Variants in NDC1 observed in about 807,000 individuals in gnomAD.
The protein encoded by NDC1 is NDC1 transmembrane nucleoporin.
Under a neutral mutation model 89.8 loss-of-function variants are expected in NDC1, and 24 were observed. The ratio of observed to expected loss-of-function variants is 0.27; its 90% CI spans 0.19 to 0.38. NDC1 has a LOEUF of 0.38. NDC1 is among the 10% of genes least tolerant of loss of function. The pLI, the probability that NDC1 is intolerant of heterozygous loss-of-function variation, is 1.00. For synonymous variants in NDC1, 296 were observed against 284.8 expected, an observed-to-expected ratio of 1.04 and a Z score of -0.39; for missense variants, 728 against 797.6, an observed-to-expected ratio of 0.91 and a Z score of 1.05.
At chr1:53,771,774 A>T (rs1486626695) in intron 17 of NDC1, among the ~76,000 whole-genome samples, 1 of 152,234 alleles carries the variant, frequency 6.6e-6, no homozygotes, top group African/African-American at 2.4e-5. Flanking sequence ...CATCCTGCCT[A>T]GCTAGATCAT....
intron 2 of NDC1, among the ~76,000 whole-genome samples, chr1:53,835,195 G>A (rs755986687): frequency 1.2e-4 from 19 of 152,144 alleles, no homozygotes; most frequent in Non-Finnish European, 2.5e-4. Context: ...ATTTTAAAGA[G>A]ACAAACAATC....
chr1:53,769,030 G>T (rs1647090105), intron 17 of NDC1, among the ~76,000 whole-genome samples: 1 of 152,214 alleles, frequency 6.6e-6, no homozygotes, highest in African/African-American at 2.4e-5. Context: ...ATTTTGATAT[G>T]GGCCAGGCAT....
intron 17 of NDC1, among the ~76,000 whole-genome samples, chr1:53,770,615 T>C (rs1226349675): frequency 6.6e-6 from 1 of 151,688 alleles, no homozygotes; most frequent in Non-Finnish European, 1.5e-5. Flanking sequence ...CCCATTCTCA[T>C]AATCCATTCT....
At chr1:53,832,387 T>A in intron 3 of NDC1, 103 bp downstream of exon 3, 1 of 636,138 alleles carries the variant, frequency 1.6e-6, no homozygotes, top group East Asian at 2.7e-5. Flanking sequence ...TATACGTTTT[T>A]AAATTTTTGA....
intron 3 of NDC1, 150 bp from the exon 4 acceptor site, chr1:53,828,323 T>A: frequency 1.5e-6 from 1 of 673,398 alleles, no homozygotes; most frequent in Non-Finnish European, 2.2e-6. Context: ...AATTTAAAGT[T>A]AAAAATTCTA....
At chr1:53,797,184 T>C (rs2100651567) in intron 11 of NDC1, 40 bp from the exon 12 acceptor site, 1 of 1,602,288 alleles carries the variant, frequency 6.2e-7, no homozygotes, top group Non-Finnish European at 8.5e-7. Context: ...GGCAACCTGA[T>C]CCAAGCAGGC....
intron 16 of NDC1, among the ~76,000 whole-genome samples, chr1:53,779,337 A>G (rs1412469626): frequency 2.6e-5 from 4 of 151,970 alleles, no homozygotes; most frequent in Admixed American, 6.6e-5. Context: ...AGAGATTGCC[A>G]TATTTATTAG....
chr1:53,776,307 G>A (rs892181547), intron 16 of NDC1, among the ~76,000 whole-genome samples: 11 of 151,998 alleles, frequency 7.2e-5, no homozygotes, highest in African/African-American at 2.4e-4. Flanking sequence ...AAAGTCTAGA[G>A]CTATGCTGTC....
At chr1:53,783,625 T>A (rs1647238911) in intron 16 of NDC1, among the ~76,000 whole-genome samples, 1 of 152,150 alleles carries the variant, frequency 6.6e-6, no homozygotes, top group Non-Finnish European at 1.5e-5. Flanking sequence ...AATGCAGCAG[T>A]GTTGAGAGAT....
At chr1:53,822,457 G>A (rs568045199) in intron 5 of NDC1, among the ~76,000 whole-genome samples, 13 of 152,184 alleles carry the variant, frequency 8.5e-5, no homozygotes, top group Non-Finnish European at 1.5e-5. Flanking sequence ...GTACATACAT[G>A]TAAATGTACA....
At chr1:53,824,674 G>C (rs1202236929) in intron 5 of NDC1, among the ~76,000 whole-genome samples, 2 of 152,170 alleles carry the variant, frequency 1.3e-5, no homozygotes, top group Admixed American at 6.5e-5. Context: ...CCTGCCAGAG[G>C]AGTGCTTCTC....
chr1:53,829,686 T>C (rs1228184839), intron 3 of NDC1, among the ~76,000 whole-genome samples: 1 of 152,210 alleles, frequency 6.6e-6, no homozygotes, highest in Admixed American at 6.5e-5. Context: ...CCAAAGTGAA[T>C]AGTCAGGCTT....
intron 17 of NDC1, among the ~76,000 whole-genome samples, chr1:53,768,974 C>T (rs1327266800): frequency 6.6e-6 from 1 of 152,102 alleles, no homozygotes; most frequent in Non-Finnish European, 1.5e-5. Context: ...TTACAATTTA[C>T]TATTAGTACT....
intron 1 of NDC1, among the ~76,000 whole-genome samples, chr1:53,837,029 G>A (rs1649256126): frequency 6.6e-6 from 1 of 152,166 alleles, no homozygotes; most frequent in African/African-American, 2.4e-5. Context: ...AAGTGCCAAA[G>A]GTGGCAACAA....
intron 16 of NDC1, among the ~76,000 whole-genome samples, chr1:53,785,908 CATTTATTT>C (rs766069432): frequency 6.6e-6 from 1 of 151,138 alleles, no homozygotes; most frequent in African/African-American, 2.4e-5. Flanking sequence ...TATTTTTATT[CATTTATTT>C]ATTTATTTAT....
intron 14 of NDC1, among the ~76,000 whole-genome samples, chr1:53,790,904 T>C (rs919930060): frequency 6.6e-6 from 1 of 152,194 alleles, no homozygotes; most frequent in Non-Finnish European, 1.5e-5. Context: ...AGTCACGGCA[T>C]TTTGGGTATC....
At chr1:53,817,452 A>G (rs1479378311) in intron 6 of NDC1, among the ~76,000 whole-genome samples, 1 of 152,236 alleles carries the variant, frequency 6.6e-6, no homozygotes, top group Admixed American at 6.5e-5. Flanking sequence ...CAAAGGCATA[A>G]GAATAATACA....
chr1:53,799,043 A>G (rs1647821874), intron 11 of NDC1, among the ~76,000 whole-genome samples: 1 of 152,216 alleles, frequency 6.6e-6, no homozygotes, highest in African/African-American at 2.4e-5. Context: ...CTCATGATCT[A>G]CCCAACCCAG....
At chr1:53,796,464 A>G (rs112045234) in intron 13 of NDC1, among the ~76,000 whole-genome samples, 556 of 152,244 alleles carry the variant, frequency 3.7e-3, no homozygotes, top group Non-Finnish European at 5.7e-3. Context: ...TTGGATATAT[A>G]AAGAACTCAA....
Sources: allele counts gnomAD v4.1 joint callset (sites outside exome capture counted in the v4.1 genomes callset), GRCh38; gene constraint gnomAD v4.1.1; transcripts MANE v1.5; gene names NCBI Gene and HGNC (gene_info 2026-07-23, HGNC 2026-07-21).